Variants in NAA20 observed in about 807,000 individuals in gnomAD.
NAA20 encodes the protein N-alpha-acetyltransferase 20.
NAA20 carries 24 observed loss-of-function variants against 23.8 expected under a neutral mutation model. That is an observed-to-expected ratio of 1.01 (90% CI 0.73 to 1.42). NAA20 has a LOEUF of 1.42. NAA20 is among the 40% of genes most tolerant of loss of function. NAA20 has a pLI of 0.00. For missense variants in NAA20, 166 were observed against 223.1 expected (o/e 0.74, Z 1.63); for synonymous variants, 83 against 77.7 (o/e 1.07, Z -0.36).
rs756162090 is a variant in NAA20, at chr20:20,017,423, C to G, written c.27C>G (p.Cys9Trp). The G allele has an allele frequency of 6.2e-7, 1 of 1,612,004 alleles. No individual in the cohort carries two copies. Among genetic ancestry groups the G allele is most frequent in the South Asian group, 1.1e-5 (1 of 90,970 alleles). MTTLRAFT[C>W]DDLFRFNNIN... is the part of the protein sequence containing the mutation. Reference sequence around the variant, plus strand: ...TGACCACGCTACGGGCCTTTACCTGCGACGACCTGTTCCGCTTCAACAACA... The same window carrying G: ...TGACCACGCTACGGGCCTTTACCTGGGACGACCTGTTCCGCTTCAACAACA... The change falls in exon 1 of 6, where the codon TGC becomes TGG. Residue 9 changes from cysteine to tryptophan, a missense_variant. Cys to Trp is a radical substitution (Grantham distance 215, BLOSUM62 -2). Transcript: ENST00000334982.
intron 4 of NAA20, among the ~76,000 whole-genome samples, chr20:20,028,487 A>G (rs2043321469): frequency 6.6e-6 from 1 of 152,166 alleles, no homozygotes; most frequent in South Asian, 2.1e-4. Context: ...AAAGTATAAT[A>G]ATAATAAAAA....
At chr20:20,018,161 T>C in intron 1 of NAA20, 1 of 1,454,588 alleles carries the variant, frequency 6.9e-7, no homozygotes, top group Non-Finnish European at 9.6e-7. Flanking sequence ...TGGATGCAGT[T>C]TCTTTGGATT....
intron 2 of NAA20, among the ~76,000 whole-genome samples, chr20:20,023,355 C>T (rs1353139133): frequency 6.6e-6 from 1 of 151,704 alleles, no homozygotes; most frequent in African/African-American, 2.4e-5. Context: ...AAATGCCACA[C>T]AGGCCCGCTC....
Position 20,020,466 on chromosome 20 carries a change from G to T in NAA20, c.54-1990G>T, listed in dbSNP as rs191201300. Among the ~76,000 whole-genome samples the T allele has an allele frequency of 5.2e-3, 792 of 152,256 alleles. 5 individuals carry two copies. Among genetic ancestry groups the T allele is most frequent in the African/African-American group, 0.017 (724 of 41,526 alleles). ...CCCTGTTTCAAATAGGAGGCAGGCC[G>T]CATGGCTGGTACAGAGTGAGCATGG... On this transcript the variant is annotated intron_variant, in intron 1 of 5. Transcript: ENST00000334982.
chr20:20,032,443 T>A (rs1254733667), intron 4 of NAA20, 65 bp from the exon 5 acceptor site: 2 of 1,517,308 alleles, frequency 1.3e-6, no homozygotes, highest in African/African-American at 2.8e-5. Context: ...AAAAAAAATA[T>A]GTATCTATTA....
At chr20:20,022,194 G>T (rs34588615) in intron 1 of NAA20, among the ~76,000 whole-genome samples, 67 of 152,154 alleles carry the variant, frequency 4.4e-4, no homozygotes, top group Non-Finnish European at 6.2e-4. Context: ...AACACAAGAT[G>T]TAGATTTATT....
At chr20:20,018,052 G>C in intron 1 of NAA20, 1 of 1,614,200 alleles carries the variant, frequency 6.2e-7, no homozygotes, top group South Asian at 1.1e-5. Flanking sequence ...GTTAGTGTTT[G>C]CAAGTTTAGT....
intron 4 of NAA20, among the ~76,000 whole-genome samples, chr20:20,031,106 A>C (rs1403851993): frequency 6.6e-6 from 1 of 152,204 alleles, no homozygotes; most frequent in Non-Finnish European, 1.5e-5. Flanking sequence ...AGTACTTGTT[A>C]AGCTGACTCT....
At chr20:20,018,071 C>T (rs770647150) in intron 1 of NAA20, 1 of 1,614,130 alleles carries the variant, frequency 6.2e-7, no homozygotes, top group Non-Finnish European at 8.5e-7. Context: ...GTTACTGTAG[C>T]TGCGCACCCC....
intron 1 of NAA20, among the ~76,000 whole-genome samples, chr20:20,019,116 G>A (rs1226448753): frequency 6.6e-6 from 1 of 152,154 alleles, no homozygotes; most frequent in Admixed American, 6.5e-5. Flanking sequence ...GGAACCACTT[G>A]GTTTTTCGTT....
chr20:20,028,818 G>GA (rs1346582870), intron 4 of NAA20, among the ~76,000 whole-genome samples: 2 of 152,100 alleles, frequency 1.3e-5, no homozygotes, highest in Non-Finnish European at 2.9e-5. Context: ...CCAAAGAAGA[G>GA]AAAAAGGAAA....
intron 1 of NAA20, among the ~76,000 whole-genome samples, chr20:20,022,188 C>A (rs1423271462): frequency 6.6e-6 from 1 of 152,130 alleles, no homozygotes; most frequent in African/African-American, 2.4e-5. Context: ...TTAGAAAACA[C>A]AAGATGTAGA....
chr20:20,021,853 T>A (rs1244246952), intron 1 of NAA20, among the ~76,000 whole-genome samples: 1 of 152,128 alleles, frequency 6.6e-6, no homozygotes, highest in African/African-American at 2.4e-5. Context: ...GATTTGGGAA[T>A]GGTGTGCTGG....
chr20:20,018,300 T>G (rs2043245306), intron 1 of NAA20: 1 of 555,620 alleles, frequency 1.8e-6, no homozygotes, highest in Non-Finnish European at 3.2e-6. Context: ...TAGACACTTT[T>G]CCTGGATTCT....
chr20:20,022,081 C>T (rs1421843676), intron 1 of NAA20, among the ~76,000 whole-genome samples: 1 of 152,100 alleles, frequency 6.6e-6, no homozygotes, highest in Non-Finnish European at 1.5e-5. Context: ...CGGGGAGGAT[C>T]CATGGGGTTG....
chr20:20,019,186 A>T (rs534295855), intron 1 of NAA20, among the ~76,000 whole-genome samples: 138 of 152,292 alleles, frequency 9.1e-4, no homozygotes, highest in African/African-American at 3.2e-3. Context: ...GGGCAGAGAG[A>T]AATGATGAAG....
At chr20:20,024,512 T>A (rs1016682069) in intron 2 of NAA20, among the ~76,000 whole-genome samples, 16 of 152,234 alleles carry the variant, frequency 1.1e-4, no homozygotes, top group African/African-American at 3.9e-4. Flanking sequence ...TTTTAAGATT[T>A]TTGAAGAATT....
At chr20:20,017,657 T>C in intron 1 of NAA20, 9 of 1,371,562 alleles carry the variant, frequency 6.6e-6, no homozygotes, top group Non-Finnish European at 8.6e-6. Context: ...ACGCCGGCCT[T>C]GGCGACCTTG....
intron 1 of NAA20, 135 bp downstream of exon 1, chr20:20,017,584 G>C: frequency 7.5e-7 from 1 of 1,330,020 alleles, no homozygotes; most frequent in Non-Finnish European, 9.9e-7. Flanking sequence ...ACCCCCCGCC[G>C]GCCAACGTGG....
Sources: gnomAD v4.1 joint callset for allele counts (sites outside exome capture counted in the v4.1 genomes callset) on GRCh38, gnomAD v4.1.1 for gene constraint, MANE v1.5 for transcripts, NCBI Gene and HGNC (gene_info 2026-07-23, HGNC 2026-07-21) for gene names.